The following PARD3 variants were observed in gnomAD, a reference collection of about 807,000 sequenced individuals.
PARD3 encodes the protein partitioning defective 3 homolog.
A neutral mutation model predicts 155.4 loss-of-function variants in PARD3; 75 were observed. The ratio of observed to expected loss-of-function variants is 0.48; its 90% CI spans 0.40 to 0.58. The LOEUF (loss-of-function observed/expected upper bound fraction) is 0.58, where lower values mean the gene tolerates loss of function less well. Among genes scored for constraint, PARD3 ranks in the 20% least tolerant of loss-of-function variants. The pLI is 0.00. For synonymous variants in PARD3, 576 were observed against 610.5 expected (o/e 0.94, Z 0.83); for missense variants, 1,642 against 1,721.7 (o/e 0.95, Z 0.82).
At chr10:34,189,824 T>C (rs150207151) in intron 22 of PARD3, among the ~76,000 whole-genome samples, 1 of 148,506 alleles carries the variant, frequency 6.7e-6, no homozygotes, top group Non-Finnish European at 1.5e-5. Context: ...ATGAGCAAAA[T>C]GAGCCTATCC....
At chr10:34,498,702 A>G (rs965063657) in intron 3 of PARD3, among the ~76,000 whole-genome samples, 6 of 152,160 alleles carry the variant, frequency 3.9e-5, no homozygotes, top group Admixed American at 3.3e-4. Flanking sequence ...TCTTGAACCC[A>G]GGAGGCGGAG....
Position 34,491,846 on chromosome 10 carries a change from A to G in PARD3, c.404-21583T>C, listed in dbSNP as rs1357240957. Among the ~76,000 whole-genome samples, 4 of 152,344 alleles carry G rather than the reference A, an allele frequency of 2.6e-5. No individual in the cohort carries two copies. The East Asian group carries it at 7.7e-4, about 29-fold the overall frequency. On this transcript the variant is annotated intron_variant, in intron 3 of 24. Transcript: ENST00000374788. The stretch of plus-strand genomic sequence containing the variant: ...TTGCCAGTCTGTCAGACAACCAGGC[A>G]AACAGAATTCAACCCAGTCGTGGTT...
chr10:34,491,979 A>G (rs2079941964), intron 3 of PARD3, among the ~76,000 whole-genome samples: 1 of 152,186 alleles, frequency 6.6e-6, no homozygotes, highest in Non-Finnish European at 1.5e-5. Flanking sequence ...TAATTGTCAA[A>G]ATGTCACAGA....
intron 2 of PARD3, among the ~76,000 whole-genome samples, chr10:34,520,435 C>G (rs1564804887): frequency 6.6e-6 from 1 of 151,354 alleles, no homozygotes; most frequent in African/African-American, 2.4e-5. Context: ...TTAATAGTTA[C>G]AAAAAAAAGG....
intron 1 of PARD3, among the ~76,000 whole-genome samples, chr10:34,755,950 C>G (rs1223888073): frequency 6.6e-6 from 1 of 152,056 alleles, no homozygotes; most frequent in African/African-American, 2.4e-5. Flanking sequence ...GTTCTGGGGA[C>G]TAACAGCTTC....
intron 2 of PARD3, among the ~76,000 whole-genome samples, chr10:34,589,455 T>G (rs1027198551): frequency 6.6e-6 from 1 of 151,828 alleles, no homozygotes; most frequent in African/African-American, 2.4e-5. Flanking sequence ...AAGAAAAAAT[T>G]TGGACACAGA....
intron 1 of PARD3, among the ~76,000 whole-genome samples, chr10:34,756,736 A>C (rs79043718): frequency 0.024 from 3,719 of 152,226 alleles, 129 homozygotes; most frequent in African/African-American, 0.084. Context: ...TACAGGTGTG[A>C]GCCACTACAC....
chr10:34,119,542 G>A, intron 24 of PARD3, 71 bp downstream of exon 24: 19 of 1,454,122 alleles, frequency 1.3e-5, no homozygotes, highest in South Asian at 5.5e-5. Context: ...TTGGGAAGGA[G>A]CGCGTTCCTA....
intron 1 of PARD3, among the ~76,000 whole-genome samples, chr10:34,744,908 C>T (rs994132704): frequency 2.0e-5 from 3 of 152,204 alleles, no homozygotes; most frequent in Admixed American, 2.0e-4. Context: ...CTGCAGTGGA[C>T]TGAAGGAAGT....
intron 3 of PARD3, among the ~76,000 whole-genome samples, chr10:34,483,307 C>T (rs911987541): frequency 1.3e-5 from 2 of 152,020 alleles, no homozygotes; most frequent in Non-Finnish European, 2.9e-5. Context: ...CATAGTGAGA[C>T]CTCGTCTCTA....
At chr10:34,431,507 C>A (rs1209287682) in intron 5 of PARD3, among the ~76,000 whole-genome samples, 4 of 152,020 alleles carry the variant, frequency 2.6e-5, no homozygotes, top group Admixed American at 2.0e-4. Context: ...TTTGGGAGGC[C>A]AAGGCGGGTG....
At chr10:34,492,265 G>C (rs943213472) in intron 3 of PARD3, among the ~76,000 whole-genome samples, 4 of 152,146 alleles carry the variant, frequency 2.6e-5, no homozygotes, top group Non-Finnish European at 5.9e-5. Flanking sequence ...ACAGGACGAA[G>C]CATGTGGCTG....
chr10:34,249,148 A>G (rs887233922), intron 22 of PARD3, among the ~76,000 whole-genome samples: 13 of 152,168 alleles, frequency 8.5e-5, no homozygotes, highest in Non-Finnish European at 4.4e-5. Flanking sequence ...ACACTTCTGA[A>G]TACATATACA....
rs144260739 is a variant in PARD3, at chr10:34,562,503, C to G, written c.223-45344G>C. ...ACCACATTTCCCCACCAAGTGGCAT[C>G]AGCAGCACCGAGCTCACATGCAGGG... On this transcript the variant is annotated intron_variant, in intron 2 of 24. Transcript: ENST00000374788. Among the ~76,000 whole-genome samples the G allele has an allele frequency of 2.6e-5, 4 of 152,210 alleles. No homozygotes were observed. The East Asian group carries it at 5.8e-4, about 22-fold the overall frequency.
intron 2 of PARD3, among the ~76,000 whole-genome samples, chr10:34,586,328 A>G (rs1448676041): frequency 6.6e-6 from 1 of 152,224 alleles, no homozygotes; most frequent in East Asian, 1.9e-4. Context: ...ATAAGTAGGA[A>G]TAGACCTCAG....
intron 22 of PARD3, among the ~76,000 whole-genome samples, chr10:34,155,668 ATGTGTGTGTG>A (rs3039232): frequency 1.3e-3 from 185 of 140,424 alleles, no homozygotes; most frequent in African/African-American, 3.9e-3. Flanking sequence ...CCCTCTAAAA[ATGTGTGTGTG>A]TGTGTGTGTG....
rs568015042 is a variant in PARD3 at position 34,201,796 on chromosome 10, T to C, written c.3419+67861A>G. Among the ~76,000 whole-genome samples the C allele has an allele frequency of 5.3e-5, 8 of 152,230 alleles. No individual in the cohort carries two copies. In the South Asian group the frequency reaches 8.3e-4, roughly 16 times the overall value. ...ACAGAGCTTCCATTATCGTAAAAAC[T>C]AAAGGGAAGAAACGTCGTTCTGTTT... On this transcript the variant is annotated intron_variant, in intron 22 of 24. Coordinates refer to ENST00000374788, the MANE Select transcript of PARD3 (RefSeq NM_001184785.2).
intron 18 of PARD3, 116 bp downstream of exon 18, chr10:34,336,082 CA>C (rs1836149946): frequency 1.4e-6 from 1 of 691,006 alleles, no homozygotes; most frequent in Non-Finnish European, 2.5e-6. Context: ...ACAATGAAAA[CA>C]TCTGCGTAAG....
At chr10:34,739,655 C>T (rs1475222173) in intron 1 of PARD3, among the ~76,000 whole-genome samples, 1 of 152,140 alleles carries the variant, frequency 6.6e-6, no homozygotes, top group Non-Finnish European at 1.5e-5. Flanking sequence ...CCTTGTGCAA[C>T]CTCAGTGGTG....
Sources: gnomAD v4.1 joint callset for allele counts (sites outside exome capture counted in the v4.1 genomes callset) on GRCh38, gnomAD v4.1.1 for gene constraint, MANE v1.5 for transcripts, NCBI Gene and HGNC (gene_info 2026-07-23, HGNC 2026-07-21) for gene names.